The following CNTN5 variants were observed in gnomAD, a reference collection of about 807,000 sequenced individuals.
The protein encoded by CNTN5 is contactin-5.
A neutral mutation model predicts 129.1 loss-of-function variants in CNTN5; 77 were observed. The ratio of observed to expected loss-of-function variants is 0.60; its 90% confidence interval spans 0.50 to 0.72. CNTN5 has a LOEUF of 0.72. Among genes scored for constraint, CNTN5 ranks in the 30% least tolerant of loss-of-function variants. The pLI is 0.00. For synonymous variants in CNTN5, 509 were observed against 465.6 expected, an observed-to-expected ratio of 1.09 and a Z score of -1.20; for missense variants, 1,478 against 1,328.8, an observed-to-expected ratio of 1.11 and a Z score of -1.75.
At chr11:99,898,701 G>A (rs938680193) in intron 6 of CNTN5, among the ~76,000 whole-genome samples, 8 of 151,802 alleles carry the variant, frequency 5.3e-5, no homozygotes, top group African/African-American at 9.7e-5. Context: ...GGTGACTACC[G>A]TGATTTTTTT....
intron 2 of CNTN5, among the ~76,000 whole-genome samples, chr11:99,492,729 G>A (rs1946083535): frequency 6.6e-6 from 1 of 152,028 alleles, no homozygotes; most frequent in Admixed American, 6.6e-5. Flanking sequence ...CATGACACAG[G>A]TTATTCAAAA....
At chr11:99,615,802 T>A (rs1038846547) in intron 3 of CNTN5, among the ~76,000 whole-genome samples, 12 of 151,956 alleles carry the variant, frequency 7.9e-5, no homozygotes, top group African/African-American at 2.7e-4. Context: ...CATTCTATTG[T>A]CCAGGCTGGA....
chr11:100,186,871 G>C lies in CNTN5; in HGVS notation c.1581-4255G>C, dbSNP rs528704353. On this transcript the variant is annotated intron_variant, in intron 13 of 24. Transcript: ENST00000524871. ...AATATTAAATTATCTAAGTAATTAC[G>C]TGTGCAATAACCAGACATTGTAATG... 2.6e-4 allele frequency among the ~76,000 whole-genome samples: 39 copies of C among 152,184 alleles called. 1 individual carries two copies. In the Middle Eastern group the frequency reaches 0.02, roughly 80 times the overall value.
intron 9 of CNTN5, among the ~76,000 whole-genome samples, chr11:100,005,425 T>C (rs11222305): frequency 0.056 from 8,591 of 152,198 alleles, 282 homozygotes; most frequent in Non-Finnish European, 0.077. Flanking sequence ...AGACCTACCA[T>C]TCTCCAACTC....
At chr11:99,963,231 C>T (rs1310054576) in intron 8 of CNTN5, among the ~76,000 whole-genome samples, 2 of 152,102 alleles carry the variant, frequency 1.3e-5, no homozygotes, top group Non-Finnish European at 2.9e-5. Context: ...GAAGTCCTTG[C>T]CCATGCCTGT....
At chr11:99,577,919 C>T (rs1591305405) in intron 3 of CNTN5, among the ~76,000 whole-genome samples, 2 of 151,530 alleles carry the variant, frequency 1.3e-5, no homozygotes, top group South Asian at 4.2e-4. Flanking sequence ...TGTTGGTGTG[C>T]TGCACCCATT....
chr11:99,867,677 C>G (rs1948391788), intron 6 of CNTN5, among the ~76,000 whole-genome samples: 1 of 152,124 alleles, frequency 6.6e-6, no homozygotes. Flanking sequence ...TTTGAGGGCC[C>G]TTATAATTAC....
At chr11:99,873,847 T>C (rs1948566651) in intron 6 of CNTN5, among the ~76,000 whole-genome samples, 1 of 152,122 alleles carries the variant, frequency 6.6e-6, no homozygotes, top group African/African-American at 2.4e-5. Flanking sequence ...GCAAAGGTGA[T>C]ACATACATAT....
At position 99,868,921 on chromosome 11, in the gene CNTN5, A is replaced by T. The variant is rs115849539; in HGVS notation, c.577+23659A>T. 2.0e-3 allele frequency among the ~76,000 whole-genome samples: 303 copies of T among 152,298 alleles called. 1 individual carries two copies. Among genetic ancestry groups the T allele is most frequent in the African/African-American group, 7.1e-3 (296 of 41,562 alleles). Reference sequence around the variant, plus strand: ...AGCAGTGGGAAGAATGGGAAAGAAAAGAAGTAGAACAAGTTTTAAAATGCT... The same window carrying T: ...AGCAGTGGGAAGAATGGGAAAGAAATGAAGTAGAACAAGTTTTAAAATGCT... On this transcript the variant is annotated intron_variant, in intron 6 of 24. Transcript: ENST00000524871.
chr11:99,469,919 A>C (rs17663876), intron 2 of CNTN5, among the ~76,000 whole-genome samples: 17,543 of 152,178 alleles, frequency 0.12, 1,325 homozygotes, highest in Non-Finnish European at 0.17. Flanking sequence ...TCATCATCAT[A>C]AGAACTACAA....
At chr11:99,153,657 A>C (rs1358259000) in intron 1 of CNTN5, among the ~76,000 whole-genome samples, 1 of 152,090 alleles carries the variant, frequency 6.6e-6, no homozygotes, top group Non-Finnish European at 1.5e-5. Flanking sequence ...CACTTCAGGC[A>C]AGTTAAGAAC....
chr11:99,824,516 G>A lies in CNTN5; in HGVS notation c.277+4751G>A, dbSNP rs543025533. Among the ~76,000 whole-genome samples the A allele has an allele frequency of 1.2e-4, 18 of 151,854 alleles. 1 individual carries two copies. The highest frequency in any genetic ancestry group is 1.9e-4 in the Non-Finnish European group (13 of 67,804). On this transcript the variant is annotated intron_variant, in intron 4 of 24. Coordinates refer to ENST00000524871, the MANE Select transcript of CNTN5 (RefSeq NM_014361.4). ...GTTGGTCACTGGTTAAATGCATTGC[G>A]GATATATTTTCTCAGAATGTAACTT...
chr11:99,922,633 G>T (rs375510712), intron 7 of CNTN5, among the ~76,000 whole-genome samples: 1 of 152,034 alleles, frequency 6.6e-6, no homozygotes, highest in Non-Finnish European at 1.5e-5. Flanking sequence ...TTTTACTTCC[G>T]TTTTTCAAAT....
intron 2 of CNTN5, among the ~76,000 whole-genome samples, chr11:99,498,252 C>T (rs1946302003): frequency 6.6e-6 from 1 of 152,038 alleles, no homozygotes; most frequent in Non-Finnish European, 1.5e-5. Context: ...AAATGTACTG[C>T]ATTTTTTGTA....
chr11:99,644,804 A>G (rs1724530959), intron 3 of CNTN5, among the ~76,000 whole-genome samples: 2 of 152,242 alleles, frequency 1.3e-5, no homozygotes, highest in South Asian at 2.1e-4. Context: ...TACTCAAAGA[A>G]TAAACACTAA....
chr11:99,069,046 C>G (rs1286691223), intron 1 of CNTN5, among the ~76,000 whole-genome samples: 3 of 152,020 alleles, frequency 2.0e-5, no homozygotes, highest in African/African-American at 4.8e-5. Flanking sequence ...CATCCTTACC[C>G]TAATTTGAAA....
intron 3 of CNTN5, 149 bp downstream of exon 3, chr11:99,556,418 T>G (rs2135537711): frequency 2.1e-6 from 1 of 466,326 alleles, no homozygotes; most frequent in Admixed American, 3.9e-5. Flanking sequence ...CAGCAACCCT[T>G]AAGCCGCTGT....
intron 18 of CNTN5, among the ~76,000 whole-genome samples, chr11:100,275,377 A>C (rs1359850574): frequency 1.3e-5 from 2 of 152,236 alleles, no homozygotes; most frequent in Non-Finnish European, 2.9e-5. Context: ...AATGACTGCC[A>C]ATAGTAGTAC....
At chr11:99,142,417 A>G (rs552877439) in intron 1 of CNTN5, among the ~76,000 whole-genome samples, 172 of 152,212 alleles carry the variant, frequency 1.1e-3, no homozygotes, top group African/African-American at 3.8e-3. Context: ...GTGCGCACCA[A>G]TGGAGGGAGG....
Sources: gnomAD v4.1 joint callset for allele counts (sites outside exome capture counted in the v4.1 genomes callset) on GRCh38, gnomAD v4.1.1 for gene constraint, MANE v1.5 for transcripts, NCBI Gene and HGNC (gene_info 2026-07-23, HGNC 2026-07-21) for gene names.